The following PPP1R12A variants were observed in gnomAD, a reference collection of about 807,000 sequenced individuals.
PPP1R12A encodes the protein myosin binding subunit.
PPP1R12A carries 19 observed loss-of-function variants against 139.6 expected under a neutral mutation model. That is an observed-to-expected ratio of 0.14 (90% CI 0.09 to 0.20). PPP1R12A has a LOEUF of 0.20. PPP1R12A is among the 10% of genes least tolerant of loss of function. The probability of loss-of-function intolerance (pLI) is 1.00; values close to 1 mark genes in which losing one functional copy is unlikely to be tolerated. For missense variants in PPP1R12A, 925 were observed against 1,211.5 expected, an observed-to-expected ratio of 0.76 and a Z score of 3.51; for synonymous variants, 427 against 420.6, an observed-to-expected ratio of 1.02 and a Z score of -0.19.
intron 1 of PPP1R12A, among the ~76,000 whole-genome samples, chr12:79,911,681 A>G (rs1201860076): frequency 6.8e-6 from 1 of 147,262 alleles, no homozygotes; most frequent in Non-Finnish European, 1.5e-5. Context: ...ACATATCATA[A>G]TTTTTTTTTT....
At chr12:79,839,692 A>G (rs1358284881) in intron 3 of PPP1R12A, among the ~76,000 whole-genome samples, 8 of 152,096 alleles carry the variant, frequency 5.3e-5, no homozygotes, top group Non-Finnish European at 1.2e-4. Context: ...GTGAAGAAGG[A>G]TATGTTTGCC....
At chr12:79,930,889 A>G (rs1166151115) in intron 1 of PPP1R12A, among the ~76,000 whole-genome samples, 1 of 152,248 alleles carries the variant, frequency 6.6e-6, no homozygotes, top group Non-Finnish European at 1.5e-5. Context: ...TAGAAGACAG[A>G]CTGGATTATG....
chr12:79,907,562 TA>T (rs1886230462), intron 1 of PPP1R12A, among the ~76,000 whole-genome samples: 2 of 152,234 alleles, frequency 1.3e-5, no homozygotes, highest in South Asian at 4.1e-4. Context: ...TACAATTGCC[TA>T]CTTTCACTAT....
chr12:79,804,542 C>A (rs561827869), intron 14 of PPP1R12A, among the ~76,000 whole-genome samples: 62 of 152,116 alleles, frequency 4.1e-4, no homozygotes, highest in African/African-American at 1.4e-3. Flanking sequence ...GAGGCCATTA[C>A]TACTACAGGC....
intron 1 of PPP1R12A, among the ~76,000 whole-genome samples, chr12:79,932,373 T>C (rs995359204): frequency 6.6e-6 from 1 of 152,018 alleles, no homozygotes; most frequent in Non-Finnish European, 1.5e-5. Flanking sequence ...ATAGTAACAA[T>C]GGGAAAAAAG....
chr12:79,867,433 G>A (rs1013761612), intron 2 of PPP1R12A, among the ~76,000 whole-genome samples: 5 of 151,788 alleles, frequency 3.3e-5, no homozygotes, highest in Admixed American at 1.3e-4. Flanking sequence ...AAAACTGTAC[G>A]TTCTGCACAT....
At chr12:79,801,727 C>T (rs7958973) in intron 14 of PPP1R12A, among the ~76,000 whole-genome samples, 119,290 of 152,038 alleles carry the variant, frequency 0.78, 49,280 homozygotes, top group Non-Finnish European at 0.92. Flanking sequence ...GACAATTAAC[C>T]CTAAGATGAC....
intron 9 of PPP1R12A, among the ~76,000 whole-genome samples, chr12:79,812,381 T>TGTGTGTGTGTG (rs1565753645): frequency 2.2e-5 from 2 of 89,006 alleles, no homozygotes; most frequent in African/African-American, 6.7e-5. Flanking sequence ...CTTGACTGAC[T>TGTGTGTGTGTG]CTGTGTGTGC....
At chr12:79,863,248 T>G (rs1378799190) in intron 2 of PPP1R12A, among the ~76,000 whole-genome samples, 1 of 152,110 alleles carries the variant, frequency 6.6e-6, no homozygotes, top group African/African-American at 2.4e-5. Flanking sequence ...AATAAAATCC[T>G]TTACAGACAA....
At chr12:79,777,339 CAATTGCAATATACAATTAGTG>C (rs1869860639) in intron 24 of PPP1R12A, 2 of 980,218 alleles carry the variant, frequency 2.0e-6, no homozygotes, top group South Asian at 4.7e-5. Flanking sequence ...TGTAGCTCAT[CAATTGCAATATACAATTAGTG>C]ACAATTTCTA....
intron 1 of PPP1R12A, among the ~76,000 whole-genome samples, chr12:79,898,337 T>A (rs562595152): frequency 6.4e-4 from 98 of 152,242 alleles, no homozygotes; most frequent in African/African-American, 1.9e-3. Flanking sequence ...GCACCTGTAG[T>A]CCCAGCTACT....
chr12:79,873,567 G>A (rs1037551521), intron 1 of PPP1R12A, among the ~76,000 whole-genome samples: 1 of 151,346 alleles, frequency 6.6e-6, no homozygotes, highest in Non-Finnish European at 1.5e-5. Context: ...TTGAGAGGCT[G>A]AGGCAGGAGG....
At chr12:79,898,427 G>T (rs536328293) in intron 1 of PPP1R12A, among the ~76,000 whole-genome samples, 1 of 152,296 alleles carries the variant, frequency 6.6e-6, no homozygotes, top group Non-Finnish European at 1.5e-5. Flanking sequence ...CGGCACTCCA[G>T]CCTGATGACA....
intron 1 of PPP1R12A, among the ~76,000 whole-genome samples, chr12:79,893,647 T>C (rs1001980212): frequency 6.6e-6 from 1 of 152,228 alleles, no homozygotes; most frequent in Non-Finnish European, 1.5e-5. Flanking sequence ...GTATCATAGC[T>C]GACTTACTAC....
chr12:79,847,073 CT>C (rs775533179), intron 2 of PPP1R12A, among the ~76,000 whole-genome samples: 2 of 152,032 alleles, frequency 1.3e-5, no homozygotes, highest in Non-Finnish European at 2.9e-5. Context: ...AAAGGAACTC[CT>C]TTATTCCTCT....
intron 1 of PPP1R12A, among the ~76,000 whole-genome samples, chr12:79,910,660 G>C (rs1056190452): frequency 6.6e-6 from 1 of 151,922 alleles, no homozygotes; most frequent in African/African-American, 2.4e-5. Context: ...ATTCGAACAT[G>C]CATGTATATA....
rs116478246 is a variant in PPP1R12A, at chr12:79,847,535, C to T, written c.369-2115G>A. ...GTACATTCCTTGCTGGTATTTCAAACGTATTCATTAATTCAACCAATATTT... is the reference window on the plus strand; with the variant it reads ...GTACATTCCTTGCTGGTATTTCAAATGTATTCATTAATTCAACCAATATTT... On this transcript the variant is annotated intron_variant, in intron 2 of 24. Coordinates refer to ENST00000450142, the MANE Select transcript of PPP1R12A (RefSeq NM_002480.3). Among the ~76,000 whole-genome samples, 878 of 152,078 alleles carry T rather than the reference C, an allele frequency of 5.8e-3. 9 individuals are homozygous for T. The highest frequency in any genetic ancestry group is 0.02 in the African/African-American group (843 of 41,488).
intron 1 of PPP1R12A, among the ~76,000 whole-genome samples, chr12:79,910,078 C>T (rs1283805869): frequency 3.3e-5 from 5 of 151,940 alleles, no homozygotes; most frequent in African/African-American, 7.2e-5. Flanking sequence ...CATTTGGATG[C>T]GGATAAAGAA....
Position 79,808,494 on chromosome 12 carries a change from C to G in PPP1R12A, c.1539G>C (p.Glu513Asp), listed in dbSNP as rs374875146. 1 of 1,597,870 alleles carries G rather than the reference C, an allele frequency of 6.3e-7. No individual in the cohort carries two copies. ...RRLASTSDIE[E>D]KENRDSSSLR... ...CAAAATAAACTCACCTGTTTTCTTT[C>G]TCTTCAATGTCAGATGTACTGGCTA... is the stretch of plus-strand genomic sequence containing the variant. The change falls in exon 11 of 25, where the codon GAG becomes GAC. Residue 513 changes from glutamate to aspartate, a missense_variant. Physicochemically the swap from Glu to Asp is conservative, Grantham distance 45. Around this residue, in one of 4 missense-constraint regions of PPP1R12A, gnomAD observed 403 missense variants for 463.7 expected, o/e 0.87. Transcript: ENST00000450142.
Sources: allele counts gnomAD v4.1 joint callset (sites outside exome capture counted in the v4.1 genomes callset), GRCh38; gene constraint gnomAD v4.1.1; regional missense constraint gnomAD v4.1.1; transcripts MANE v1.5; gene names NCBI Gene and HGNC (gene_info 2026-07-23, HGNC 2026-07-21).